CDH4: variants seen among roughly 807,000 people sequenced by gnomAD.
CDH4 encodes cadherin 4.
CDH4 carries 33 observed loss-of-function variants against 86.0 expected under a neutral mutation model. The ratio of observed to expected loss-of-function variants is 0.38; its 90% CI spans 0.29 to 0.51. CDH4 has a LOEUF of 0.51. Ranked by LOEUF, CDH4 falls within the 20% of genes least tolerant of loss-of-function variation. CDH4 has a pLI of 0.86. For missense variants in CDH4, 1,114 were observed against 1,307.4 expected (o/e 0.85, Z 2.28); for synonymous variants, 555 against 549.4 (o/e 1.01, Z -0.14).
intron 2 of CDH4, among the ~76,000 whole-genome samples, chr20:61,331,707 C>A (rs2084580441): frequency 6.6e-6 from 1 of 152,208 alleles, no homozygotes; most frequent in Non-Finnish European, 1.5e-5. Context: ...AGAGCCACCT[C>A]CTGCCCCGAC....
chr20:61,724,205 G>A (rs1025958377), intron 2 of CDH4, among the ~76,000 whole-genome samples: 1 of 152,126 alleles, frequency 6.6e-6, no homozygotes, highest in African/African-American at 2.4e-5. Context: ...CATACAGGGG[G>A]CAGGCAGGGC....
At chr20:61,492,332 TTG>T (rs2085632410) in intron 2 of CDH4, among the ~76,000 whole-genome samples, 1 of 151,796 alleles carries the variant, frequency 6.6e-6, no homozygotes, top group Non-Finnish European at 1.5e-5. Context: ...TTGTTGATGT[TTG>T]TGATGTTGAT....
intron 5 of CDH4, among the ~76,000 whole-genome samples, chr20:61,850,658 G>C (rs1600710560): frequency 6.6e-6 from 1 of 152,364 alleles, no homozygotes; most frequent in African/African-American, 2.4e-5. Flanking sequence ...TCAAGATGTT[G>C]CAGGAAATGC....
At chr20:61,870,117 G>A (rs550341937) in intron 6 of CDH4, among the ~76,000 whole-genome samples, 2 of 152,304 alleles carry the variant, frequency 1.3e-5, no homozygotes, top group Admixed American at 6.5e-5. Context: ...GGGCTGACTC[G>A]CTGTCCCTCC....
At chr20:61,419,822 A>G (rs1469908627) in intron 2 of CDH4, among the ~76,000 whole-genome samples, 1 of 152,184 alleles carries the variant, frequency 6.6e-6, no homozygotes, top group Non-Finnish European at 1.5e-5. Flanking sequence ...TGGCTGGCAC[A>G]TCCCCCTGCT....
At chr20:61,304,213 C>T (rs1314057235) in intron 2 of CDH4, among the ~76,000 whole-genome samples, 2 of 152,032 alleles carry the variant, frequency 1.3e-5, no homozygotes, top group Non-Finnish European at 1.5e-5. Context: ...GCCCATCCTC[C>T]GAACGCAGTT....
At chr20:61,295,653 G>A in intron 2 of CDH4, among the ~76,000 whole-genome samples, 1 of 152,266 alleles carries the variant, frequency 6.6e-6, no homozygotes, top group East Asian at 1.9e-4. Flanking sequence ...AGAGGTTGTA[G>A]AATGTGGCCA....
At chr20:61,448,624 G>T (rs2085364737) in intron 2 of CDH4, among the ~76,000 whole-genome samples, 1 of 152,138 alleles carries the variant, frequency 6.6e-6, no homozygotes, top group South Asian at 2.1e-4. Context: ...GGAGCAAGAG[G>T]AGTTTTTTGT....
chr20:61,790,578 C>T (rs1030675209), intron 4 of CDH4, among the ~76,000 whole-genome samples: 1 of 150,914 alleles, frequency 6.6e-6, no homozygotes, highest in South Asian at 2.1e-4. Context: ...ATTTATCTGT[C>T]TAACCATTCA....
Position 61,519,906 on chromosome 20 carries a change from C to T in CDH4, c.170-223657C>T, listed in dbSNP as rs6061592. ...ATGCCCACCTGAGACATGACTGCCT[C>T]GCATTAGTGGTGCCCGCCGACTCTG... On this transcript the variant is annotated intron_variant, in intron 2 of 15. Transcript: ENST00000614565. 9.6e-3 allele frequency among the ~76,000 whole-genome samples: 1,469 copies of T among 152,304 alleles called. 18 individuals are homozygous for T. The highest frequency in any genetic ancestry group is 0.034 in the African/African-American group (1,421 of 41,566).
intron 2 of CDH4, chr20:61,436,913 GGGC>G (rs1311962612): frequency 6.6e-6 from 1 of 152,478 alleles, no homozygotes; most frequent in Non-Finnish European, 1.5e-5. Context: ...CTCCATACCA[GGGC>G]CCAAGGACAA....
chr20:61,920,913 TGTC>T (rs776631730), intron 9 of CDH4, among the ~76,000 whole-genome samples: 260 of 150,296 alleles, frequency 1.7e-3, no homozygotes, highest in Non-Finnish European at 2.7e-3. Context: ...GGAAGCGTGG[TGTC>T]GTGGTGATTG....
rs573796457 is a variant in CDH4, at chr20:61,485,185, C to T, written c.169+230248C>T. 3.2e-4 allele frequency among the ~76,000 whole-genome samples: 48 copies of T among 152,244 alleles called. 1 individual carries two copies. The South Asian group carries it at 7.5e-3, about 24-fold the overall frequency. Reference sequence around the variant, plus strand: ...TCCATTGCGAGATGTGTTTGGCAGCCGTGAGCTTCTAAAGATCTCCCCAAT... The same window carrying T: ...TCCATTGCGAGATGTGTTTGGCAGCTGTGAGCTTCTAAAGATCTCCCCAAT... On this transcript the variant is annotated intron_variant, in intron 2 of 15. Coordinates refer to ENST00000614565, the MANE Select transcript of CDH4 (RefSeq NM_001794.5).
intron 2 of CDH4, among the ~76,000 whole-genome samples, chr20:61,319,014 A>C (rs1025536574): frequency 1.3e-5 from 2 of 152,236 alleles, no homozygotes; most frequent in Non-Finnish European, 2.9e-5. Context: ...TGCATGTCAC[A>C]TGATGCCGTG....
Position 61,851,980 on chromosome 20 carries a change from A to C in CDH4, c.733-774A>C, listed in dbSNP as rs145075782. 8.5e-4 allele frequency among the ~76,000 whole-genome samples: 130 copies of C among 152,338 alleles called. 1 individual carries two copies. The highest frequency in any genetic ancestry group is 3.1e-3 in the African/African-American group (129 of 41,564). ...TCTGCAGAACAAATGAATGAGTGAAAGAACAAATCCAGAACTTAAGGGGTG... is the reference window on the plus strand; with the variant it reads ...TCTGCAGAACAAATGAATGAGTGAACGAACAAATCCAGAACTTAAGGGGTG... On this transcript the variant is annotated intron_variant, in intron 5 of 15. Transcript: ENST00000614565.
intron 2 of CDH4, among the ~76,000 whole-genome samples, chr20:61,355,293 A>T (rs1451162153): frequency 6.6e-6 from 1 of 152,230 alleles, no homozygotes; most frequent in Non-Finnish European, 1.5e-5. Context: ...CCGGACTCTC[A>T]TTCCGCCTCT....
intron 4 of CDH4, among the ~76,000 whole-genome samples, chr20:61,844,217 C>G (rs1360785327): frequency 6.6e-6 from 1 of 152,124 alleles, no homozygotes; most frequent in African/African-American, 2.4e-5. Context: ...ACTTGGGACC[C>G]GGATAACCAT....
chr20:61,330,081 C>T (rs2084564189), intron 2 of CDH4, among the ~76,000 whole-genome samples: 1 of 152,154 alleles, frequency 6.6e-6, no homozygotes, highest in South Asian at 2.1e-4. Context: ...TTTATCCAGT[C>T]TATCATTGAT....
At chr20:61,746,447 T>C (rs1389381769) in intron 3 of CDH4, among the ~76,000 whole-genome samples, 1 of 152,036 alleles carries the variant, frequency 6.6e-6, no homozygotes, top group Non-Finnish European at 1.5e-5. Context: ...TCCACACCCC[T>C]GGAAGTGGGT....
Sources: gnomAD v4.1 joint callset for allele counts (sites outside exome capture counted in the v4.1 genomes callset) on GRCh38, gnomAD v4.1.1 for gene constraint, MANE v1.5 for transcripts, NCBI Gene and HGNC (gene_info 2026-07-23, HGNC 2026-07-21) for gene names.